The following LSR variants were observed in gnomAD, a reference collection of about 807,000 sequenced individuals.
LSR encodes lipolysis-stimulated lipoprotein receptor.
LSR carries 44 observed loss-of-function variants against 61.8 expected under a neutral mutation model. The observed-to-expected ratio is 0.71, with a 90% CI of 0.56 to 0.91. The LOEUF is 0.91. Among genes scored for constraint, LSR ranks in the 40% least tolerant of loss-of-function variants. The pLI is 0.00. For synonymous variants in LSR, 397 were observed against 350.6 expected, an observed-to-expected ratio of 1.13 and a Z score of -1.48; for missense variants, 911 against 830.5, an observed-to-expected ratio of 1.10 and a Z score of -1.19.
intron 2 of LSR, chr19:35,251,398 T>C (rs1001928996): frequency 6.6e-6 from 1 of 152,216 alleles, no homozygotes; most frequent in African/African-American, 2.4e-5. Context: ...TAACAACTTA[T>C]AAAGGGTCTA....
At position 35,267,466 on chromosome 19, in the gene LSR, C is replaced by G. The variant is rs756146384; in HGVS notation, c.1502C>G (p.Pro501Arg). 3 of 1,610,820 alleles carry G rather than the reference C, an allele frequency of 1.9e-6. No homozygotes were observed. In the African/African-American group the frequency reaches 4.0e-5, roughly 22 times the overall value. The change falls in exon 9 of 10, where the codon CCC becomes CGC. Residue 501 changes from proline to arginine, a missense_variant. Coordinates refer to ENST00000605618, the MANE Select transcript of LSR (RefSeq NM_205834.4). Reference sequence around the variant, plus strand: ...AGGGACTTCCCACGCTCCCGGGACCCCCACTACGACGACTTCAGGTCTCGG... The same window carrying G: ...AGGGACTTCCCACGCTCCCGGGACCGCCACTACGACGACTTCAGGTCTCGG... ...DSRDFPRSRD[P>R]HYDDFRSRER... is the part of the protein sequence containing the mutation.
chr19:35,265,612 A>G (rs1022225824), intron 5 of LSR, among the ~76,000 whole-genome samples: 5 of 150,896 alleles, frequency 3.3e-5, no homozygotes, highest in Admixed American at 6.6e-5. Context: ...AGGGCCCAGG[A>G]ATTTTGCAAG....
chr19:35,261,661 G>A (rs1398672083), intron 3 of LSR, among the ~76,000 whole-genome samples: 1 of 152,226 alleles, frequency 6.6e-6, no homozygotes, highest in East Asian at 1.9e-4. Flanking sequence ...CCAAGCTGAG[G>A]TAGAGCCCTC....
chr19:35,258,805 G>A, intron 2 of LSR, 140 bp from the exon 3 acceptor site: 1 of 1,020,274 alleles, frequency 9.8e-7, no homozygotes, highest in Non-Finnish European at 1.5e-6. Flanking sequence ...AGGAATCTTT[G>A]CATATGCATT....
Position 35,267,479 on chromosome 19 carries a change from C to G in LSR, c.1515C>G (p.Asp505Glu), listed in dbSNP as rs778561222. 4 of 1,611,090 alleles carry G rather than the reference C, an allele frequency of 2.5e-6. No individual in the cohort carries two copies. Among genetic ancestry groups the G allele is most frequent in the Non-Finnish European group, 3.4e-6 (4 of 1,179,576 alleles). The part of the protein sequence containing the change: ...FPRSRDPHYD[D>E]FRSRERPPAD... ...GCTCCCGGGACCCCCACTACGACGACTTCAGGTCTCGGGAGCGCCCTCCTG... is the reference window on the plus strand; with the variant it reads ...GCTCCCGGGACCCCCACTACGACGAGTTCAGGTCTCGGGAGCGCCCTCCTG... The change falls in exon 9 of 10, where the codon GAC (aspartate) becomes GAG (glutamate). Residue 505 changes from aspartate to glutamate, a missense_variant. Transcript: ENST00000605618.
intron 3 of LSR, among the ~76,000 whole-genome samples, chr19:35,261,331 A>T (rs1235549815): frequency 6.6e-6 from 1 of 152,230 alleles, no homozygotes; most frequent in African/African-American, 2.4e-5. Flanking sequence ...GTTGTCACAA[A>T]GAGTTTATTC....
intron 2 of LSR, chr19:35,253,600 A>G (rs1427330395): frequency 3.3e-5 from 5 of 152,348 alleles, no homozygotes; most frequent in African/African-American, 4.8e-5. Context: ...ACATTCTGCT[A>G]GAGGATCGAT....
At chr19:35,259,215 G>C in intron 3 of LSR, 151 bp downstream of exon 3, 1 of 1,010,774 alleles carries the variant, frequency 9.9e-7, no homozygotes, top group Non-Finnish European at 1.4e-6. Context: ...CAGTCACTTA[G>C]GCTCCCCTGT....
chr19:35,262,201 C>A (rs2065938533), intron 4 of LSR, among the ~76,000 whole-genome samples: 1 of 152,220 alleles, frequency 6.6e-6, no homozygotes, highest in Admixed American at 6.5e-5. Context: ...GGCTCTGTGA[C>A]TGGCACCTGC....
intron 5 of LSR, among the ~76,000 whole-genome samples, chr19:35,263,447 C>T (rs1448212362): frequency 6.6e-6 from 1 of 152,116 alleles, no homozygotes. Flanking sequence ...CCTCAAACTC[C>T]CGGGTTCAAG....
chr19:35,267,434 C>T lies in LSR; in HGVS notation c.1470C>T (p.Asp490=). 1 of 1,610,772 alleles carries T rather than the reference C, an allele frequency of 6.2e-7. No homozygotes were observed. The highest frequency in any genetic ancestry group is 2.2e-5 in the East Asian group (1 of 44,836). ...GCCGGGACGACCTCTATGACCAAGA[C>T]GACTCGAGGGACTTCCCACGCTCCC... is the stretch of plus-strand genomic sequence containing the variant. ...SRSRDDLYDQ[D]DSRDFPRSRD... The change falls in exon 9 of 10, where the codon GAC becomes GAT. Residue 490 remains aspartate, a synonymous_variant. Transcript: ENST00000605618.
At chr19:35,265,829 C>G (rs1044104004) in intron 5 of LSR, among the ~76,000 whole-genome samples, 2 of 152,174 alleles carry the variant, frequency 1.3e-5, no homozygotes, top group African/African-American at 4.8e-5. Context: ...TGGGCAGGAC[C>G]CACGTCTCCC....
Position 35,266,733 on chromosome 19 carries a change from C to T in LSR, c.1007C>T (p.Ala336Val). Residue 336 changes from alanine (A) to valine (V), a missense_variant, in exon 7 of 10, where the codon GCC becomes GTC. Ala to Val is a moderately conservative substitution (Grantham distance 64, BLOSUM62 0). Coordinates refer to ENST00000605618, the MANE Select transcript of LSR (RefSeq NM_205834.4). ...PLLRDTDSSV[A>V]SEVRSGYRIQ... The stretch of plus-strand genomic sequence containing the variant: ...CTTCGGGACACGGACAGCAGTGTGG[C>T]CTCTGGTGAGAATCCATCGTCCCGA... 6.2e-7 allele frequency: 1 copy of T among 1,608,998 alleles called. No homozygotes were observed. Among genetic ancestry groups the T allele is most frequent in the Non-Finnish European group, 8.5e-7 (1 of 1,178,002 alleles).
chr19:35,265,318 C>T (rs1448580028), intron 5 of LSR, among the ~76,000 whole-genome samples: 1 of 152,196 alleles, frequency 6.6e-6, no homozygotes, highest in Non-Finnish European at 1.5e-5. Context: ...CACCACATTT[C>T]CTCCATCCGG....
At chr19:35,257,118 G>A (rs1271562601) in intron 2 of LSR, among the ~76,000 whole-genome samples, 7 of 152,180 alleles carry the variant, frequency 4.6e-5, no homozygotes, top group African/African-American at 1.7e-4. Context: ...GATTACAGGT[G>A]TGAGCCACCA....
intron 1 of LSR, 34 bp from the exon 2 acceptor site, chr19:35,250,281 C>T: frequency 6.9e-7 from 1 of 1,456,156 alleles, no homozygotes; most frequent in Non-Finnish European, 9.3e-7. Flanking sequence ...CCTGAGCTCA[C>T]AGCAACCCTT....
At chr19:35,255,131 G>A (rs1023634445) in intron 2 of LSR, among the ~76,000 whole-genome samples, 1 of 151,964 alleles carries the variant, frequency 6.6e-6, no homozygotes, top group African/African-American at 2.4e-5. Flanking sequence ...GAGGACAGGA[G>A]CTGGGAGACC....
In LSR at chr19:35,249,358, C is replaced by A. The variant is rs545859687; in HGVS notation, c.109+227C>A. 2.2e-4 allele frequency: 121 copies of A among 547,424 alleles called. No individual in the cohort carries two copies. In the Middle Eastern group the frequency reaches 3.8e-3, roughly 17 times the overall value. 33.9% of individuals were successfully genotyped at this position (547,424 alleles called of 1,614,324 possible). ...ATCTGGAAGATAGCAGGAAGTGAAA[C>A]TCCCTGGACGGTGAGACCCGGAGCG... On this transcript the variant is annotated intron_variant, in intron 1 of 9. Coordinates refer to ENST00000605618, the MANE Select transcript of LSR (RefSeq NM_205834.4).
chr19:35,267,747 C>G lies in LSR; in HGVS notation c.1770+13C>G. The G allele has an allele frequency of 6.2e-7, 1 of 1,610,854 alleles. No homozygotes were observed. Among genetic ancestry groups the G allele is most frequent in the Non-Finnish European group, 8.5e-7 (1 of 1,178,986 alleles). ...CAGGCTCAAGAAGGTGAGGGCCGCC[C>G]TCCCTGGCGTCCAGACCGTCCCTGG... On this transcript the variant is annotated intron_variant, in intron 9 of 9. Transcript: ENST00000605618.
Sources: allele counts gnomAD v4.1 joint callset (sites outside exome capture counted in the v4.1 genomes callset), GRCh38; gene constraint gnomAD v4.1.1; transcripts MANE v1.5; gene names NCBI Gene and HGNC (gene_info 2026-07-23, HGNC 2026-07-21).